BUB1B: variants seen among roughly 807,000 people sequenced by gnomAD.
BUB1B encodes BUB1 mitotic checkpoint serine/threonine kinase B.
In BUB1B, 86 loss-of-function variants were observed where a neutral mutation model predicts 137.7. The observed-to-expected ratio is 0.62, with a 90% CI of 0.52 to 0.75. The LOEUF (loss-of-function observed/expected upper bound fraction) is 0.75. Among genes scored for constraint, BUB1B ranks in the 30% least tolerant of loss-of-function variants. The pLI is 0.00. For synonymous variants in BUB1B, 420 were observed against 417.9 expected, an observed-to-expected ratio of 1.00 and a Z score of -0.06; for missense variants, 1,130 against 1,236.9, an observed-to-expected ratio of 0.91 and a Z score of 1.30.
rs748046304 is a variant in BUB1B, at chr15:40,199,693, T to G, written c.1367T>G (p.Ile456Ser). ...GAGATGGAGAAGAAGCTAAAAGAAA[T>G]CCAAACTACTCAGCAAGAAAGAACA... ...IEEMEKKLKE[I>S]QTTQQERTGD... The change falls in exon 10 of 23, where the codon ATC becomes AGC. Residue 456 changes from isoleucine to serine, a missense_variant. By Grantham distance (142) the Ile-to-Ser change is moderately radical. Coordinates refer to ENST00000287598, the MANE Select transcript of BUB1B (RefSeq NM_001211.6). 1.2e-6 allele frequency: 2 copies of G among 1,613,922 alleles called. No individual in the cohort carries two copies. The highest frequency in any genetic ancestry group is 3.3e-5 in the Admixed American group (2 of 60,022).
chr15:40,193,357 G>C (rs1227088181), intron 8 of BUB1B, among the ~76,000 whole-genome samples: 1 of 150,954 alleles, frequency 6.6e-6, no homozygotes, highest in East Asian at 1.9e-4. Context: ...CACTCTAATA[G>C]GTGTGCAGCA....
chr15:40,213,282 C>T (rs371387690), intron 19 of BUB1B, 50 bp from the exon 20 acceptor site: 8 of 1,602,680 alleles, frequency 5.0e-6, no homozygotes, highest in African/African-American at 1.3e-5. Context: ...AGTATAACTA[C>T]GATCTGCCAA....
chr15:40,173,679 A>G (rs1387348895), intron 4 of BUB1B, among the ~76,000 whole-genome samples: 1 of 152,238 alleles, frequency 6.6e-6, no homozygotes, highest in Non-Finnish European at 1.5e-5. Flanking sequence ...TACACACAAT[A>G]AAACTGGCCC....
chr15:40,206,900 C>G (rs2037644473), intron 15 of BUB1B, among the ~76,000 whole-genome samples: 1 of 152,022 alleles, frequency 6.6e-6, no homozygotes, highest in Admixed American at 6.5e-5. Flanking sequence ...ACCTCCGTCT[C>G]CCGGGTTCAA....
chr15:40,198,339 A>C (rs1449339640), intron 9 of BUB1B, among the ~76,000 whole-genome samples: 3 of 151,922 alleles, frequency 2.0e-5, no homozygotes, highest in African/African-American at 4.8e-5. Context: ...TGGCCTTTCA[A>C]AGTGCTGGGA....
At position 40,197,788 on chromosome 15, in the gene BUB1B, A is replaced by G. The variant is rs527998393; in HGVS notation, c.1288+1014A>G. On this transcript the variant is annotated intron_variant, in intron 9 of 22. Coordinates refer to ENST00000287598, the MANE Select transcript of BUB1B (RefSeq NM_001211.6). ...TAATTAGTGTCATCCAAGATTGTCA[A>G]AAGTGCTCTGGGTTCAAATGGAACT... Among the ~76,000 whole-genome samples the G allele has an allele frequency of 2.6e-5, 4 of 152,308 alleles. No homozygotes were observed. The South Asian group carries it at 8.3e-4, about 32-fold the overall frequency.
chr15:40,176,756 C>T, intron 5 of BUB1B, 83 bp downstream of exon 5: 3 of 1,428,550 alleles, frequency 2.1e-6, no homozygotes, highest in Non-Finnish European at 2.9e-6. Context: ...AAAGTGCTTT[C>T]TGGTGGATTG....
chr15:40,167,085 G>T (rs2037108159), intron 2 of BUB1B, among the ~76,000 whole-genome samples: 1 of 151,496 alleles, frequency 6.6e-6, no homozygotes. Context: ...TCCTCAGTAG[G>T]GGTTCTTTAT....
chr15:40,178,038 ATTT>A (rs781237183), intron 5 of BUB1B, among the ~76,000 whole-genome samples: 4 of 135,512 alleles, frequency 3.0e-5, no homozygotes, highest in African/African-American at 1.1e-4. Context: ...CATTTCATTG[ATTT>A]TTTTTTTTTT....
intron 5 of BUB1B, among the ~76,000 whole-genome samples, chr15:40,181,174 C>T (rs1595517262): frequency 6.6e-6 from 1 of 151,392 alleles, no homozygotes; most frequent in East Asian, 1.9e-4. Context: ...TCACAGCAAC[C>T]TCCACCTCCC....
chr15:40,194,030 C>CAGA (rs2037469074), intron 8 of BUB1B, among the ~76,000 whole-genome samples: 1 of 152,006 alleles, frequency 6.6e-6, no homozygotes. Flanking sequence ...ATCTATATGT[C>CAGA]TTCTCTCACT....
chr15:40,219,229 A>T (rs7168416), intron 22 of BUB1B, among the ~76,000 whole-genome samples: 3 of 152,064 alleles, frequency 2.0e-5, no homozygotes, highest in African/African-American at 7.3e-5. Context: ...TTTTAATAGC[A>T]ATTATTACCA....
intron 14 of BUB1B, among the ~76,000 whole-genome samples, chr15:40,204,918 G>T (rs1487034771): frequency 6.6e-6 from 1 of 150,834 alleles, no homozygotes; most frequent in East Asian, 2.0e-4. Context: ...GGGATTACAG[G>T]TGTGAGCAAA....
intron 5 of BUB1B, among the ~76,000 whole-genome samples, chr15:40,180,806 C>G (rs1023438860): frequency 6.6e-6 from 1 of 151,116 alleles, no homozygotes; most frequent in Admixed American, 6.6e-5. Flanking sequence ...CCTGCCACCA[C>G]GGCTGGCTAA....
intron 4 of BUB1B, among the ~76,000 whole-genome samples, chr15:40,176,228 A>G (rs2037221747): frequency 6.6e-6 from 1 of 152,178 alleles, no homozygotes; most frequent in African/African-American, 2.4e-5. Flanking sequence ...AAGTGCTGTA[A>G]TTACAGGCAG....
intron 5 of BUB1B, among the ~76,000 whole-genome samples, chr15:40,178,593 G>C (rs963596690): frequency 6.6e-6 from 1 of 152,048 alleles, no homozygotes; most frequent in African/African-American, 2.4e-5. Flanking sequence ...CTGGTAGTCT[G>C]TTCTGGTCTT....
rs62020032 is a variant in BUB1B, at chr15:40,201,492, G to A, written c.1567+512G>A. Among the ~76,000 whole-genome samples the A allele has an allele frequency of 5.0e-3, 761 of 152,182 alleles. 5 individuals are homozygous for A. Among genetic ancestry groups the A allele is most frequent in the Non-Finnish European group, 7.1e-3 (482 of 68,024 alleles). On this transcript the variant is annotated intron_variant, in intron 12 of 22. Transcript: ENST00000287598. ...GAGGAACGTTGTTAAACAACACAGC[G>A]GGATGGAATTGGCAAAATCCAGCAT...
chr15:40,191,860 CT>C (rs560900744), intron 8 of BUB1B, among the ~76,000 whole-genome samples: 29 of 148,432 alleles, frequency 2.0e-4, no homozygotes, highest in East Asian at 4.0e-4. Context: ...ACCACACAGT[CT>C]TTTTTTTTTC....
intron 4 of BUB1B, among the ~76,000 whole-genome samples, chr15:40,173,701 A>T (rs1420391222): frequency 6.6e-6 from 1 of 152,202 alleles, no homozygotes; most frequent in Non-Finnish European, 1.5e-5. Flanking sequence ...TTCGCCACAG[A>T]TTTTTTGAGA....
Sources: gnomAD v4.1 joint callset for allele counts (sites outside exome capture counted in the v4.1 genomes callset) on GRCh38, gnomAD v4.1.1 for gene constraint, MANE v1.5 for transcripts, NCBI Gene and HGNC (gene_info 2026-07-23, HGNC 2026-07-21) for gene names.